The following LRRC37A2 variants were observed in gnomAD, a reference collection of about 807,000 sequenced individuals.
The protein encoded by LRRC37A2 is leucine-rich repeat-containing protein 37A2.
Under a neutral mutation model 68.8 loss-of-function variants are expected in LRRC37A2, and 9 were observed. The observed-to-expected ratio is 0.13, with a 90% CI of 0.08 to 0.23. The LOEUF is 0.23. Ranked by LOEUF, LRRC37A2 falls within the 10% of genes least tolerant of loss-of-function variation. The probability of loss-of-function intolerance (pLI) is 1.00; values close to 1 mark genes in which losing one functional copy is unlikely to be tolerated. For synonymous variants in LRRC37A2, 63 were observed against 367.6 expected (o/e 0.17, Z 9.48); for missense variants, 168 against 950.4 (o/e 0.18, Z 10.82).
chr17:46,994,185 G>A, the LRRC37A2 span, among the ~76,000 whole-genome samples: 8 of 152,016 alleles, frequency 5.3e-5, no homozygotes, highest in Non-Finnish European at 1.0e-4. Context: ...AGGAGTTTGA[G>A]ACCAGCCTGG....
the LRRC37A2 span, among the ~76,000 whole-genome samples, chr17:46,779,052 A>ATC: frequency 0.068 from 1,547 of 22,630 alleles, 41 homozygotes; most frequent in African/African-American, 0.24. Context: ...TCCCTACCCC[A>ATC]TCACACACAC....
the LRRC37A2 span, among the ~76,000 whole-genome samples, chr17:46,747,951 A>G: frequency 6.6e-6 from 1 of 152,212 alleles, no homozygotes; most frequent in Admixed American, 6.5e-5. Flanking sequence ...TAGGATATGT[A>G]GTTTTCAAAT....
the LRRC37A2 span, chr17:46,923,171 C>G: frequency 8.1e-6 from 12 of 1,490,374 alleles, no homozygotes; most frequent in African/African-American, 2.8e-5. Flanking sequence ...GAGCCGGAGC[C>G]GTGGCCTGCG....
the LRRC37A2 span, among the ~76,000 whole-genome samples, chr17:46,976,148 G>A: frequency 1.5e-4 from 22 of 151,676 alleles, no homozygotes; most frequent in Middle Eastern, 3.4e-3. Context: ...GGATGGTCTC[G>A]ATCTCCTGAT....
chr17:46,874,759 G>A, the LRRC37A2 span, among the ~76,000 whole-genome samples: 1 of 152,102 alleles, frequency 6.6e-6, no homozygotes, highest in Admixed American at 6.5e-5. Flanking sequence ...TGTATTTTTA[G>A]TAGAGACGGG....
the LRRC37A2 span, among the ~76,000 whole-genome samples, chr17:47,037,170 A>AT: frequency 1.6e-4 from 24 of 150,246 alleles, no homozygotes; most frequent in African/African-American, 5.1e-4. Context: ...GGCACCTGTA[A>AT]TCCCAGCTAC....
chr17:47,040,360 A>C, the LRRC37A2 span, among the ~76,000 whole-genome samples: 1 of 151,562 alleles, frequency 6.6e-6, no homozygotes, highest in Admixed American at 6.6e-5. Context: ...CCCCCCACCA[A>C]GTGTTTGGGC....
chr17:47,028,122 T>G, the LRRC37A2 span, among the ~76,000 whole-genome samples: 1 of 152,266 alleles, frequency 6.6e-6, no homozygotes, highest in Non-Finnish European at 1.5e-5. Flanking sequence ...TGTTAAAGTA[T>G]AAATCATAAG....
At chr17:46,979,212 AG>A in the LRRC37A2 span, 1 of 447,732 alleles carries the variant, frequency 2.2e-6, no homozygotes, top group South Asian at 7.3e-5. Context: ...CGGAGGAGCG[AG>A]CAACAGGCGG....
chr17:47,006,908 ACAATC>A, the LRRC37A2 span, among the ~76,000 whole-genome samples: 1 of 152,250 alleles, frequency 6.6e-6, no homozygotes, highest in Non-Finnish European at 1.5e-5. Context: ...TAGTGTGAAT[ACAATC>A]GATTCAAACA....
chr17:46,993,051 G>A, the LRRC37A2 span, among the ~76,000 whole-genome samples: 3 of 141,596 alleles, frequency 2.1e-5, no homozygotes, highest in African/African-American at 7.9e-5. Context: ...ATCTCTGTAG[G>A]CTGGGACTAG....
the LRRC37A2 span, among the ~76,000 whole-genome samples, chr17:46,739,946 C>T: frequency 4.9e-4 from 74 of 152,220 alleles, 1 homozygote; most frequent in Middle Eastern, 0.014. Flanking sequence ...GTGATCCGCC[C>T]TCCTCAGCCT....
At chr17:46,871,024 C>T in the LRRC37A2 span, among the ~76,000 whole-genome samples, 1 of 151,776 alleles carries the variant, frequency 6.6e-6, no homozygotes, top group Non-Finnish European at 1.5e-5. Context: ...TATCCTTCCA[C>T]CTCAGCCTCC....
At chr17:46,822,099 G>T in the LRRC37A2 span, among the ~76,000 whole-genome samples, 90 of 152,344 alleles carry the variant, frequency 5.9e-4, no homozygotes, top group African/African-American at 2.0e-3. Context: ...AAGTGCGAAG[G>T]GCCGAAGGCC....
At chr17:46,874,558 C>CATTT in the LRRC37A2 span, among the ~76,000 whole-genome samples, 2 of 152,056 alleles carry the variant, frequency 1.3e-5, no homozygotes, top group Non-Finnish European at 2.9e-5. Context: ...TTGTAAATTC[C>CATTT]ATTTATTTAT....
the LRRC37A2 span, among the ~76,000 whole-genome samples, chr17:46,854,052 G>C: frequency 6.6e-6 from 1 of 152,170 alleles, no homozygotes; most frequent in African/African-American, 2.4e-5. Context: ...CAGGAGCCCA[G>C]CTGGAAAGAG....
the LRRC37A2 span, among the ~76,000 whole-genome samples, chr17:46,418,234 T>TGC: frequency 1.1e-3 from 72 of 66,928 alleles, 23 homozygotes; most frequent in African/African-American, 2.2e-3. Context: ...TGTGTGTGTG[T>TGC]GCGCGCGCGC....
the LRRC37A2 span, among the ~76,000 whole-genome samples, chr17:46,984,272 A>T: frequency 6.7e-6 from 1 of 148,268 alleles, no homozygotes; most frequent in East Asian, 2.0e-4. Context: ...TTACCCTACA[A>T]CTAAGCTCAA....
chr17:46,966,402 G>A, the LRRC37A2 span: 2 of 562,824 alleles, frequency 3.6e-6, no homozygotes, highest in African/African-American at 3.8e-5. Flanking sequence ...CAGATACCTG[G>A]TCCTTGTGAC....
Sources: allele counts gnomAD v4.1 joint callset (sites outside exome capture counted in the v4.1 genomes callset), GRCh38; gene constraint gnomAD v4.1.1; transcripts MANE v1.5; gene names NCBI Gene and HGNC (gene_info 2026-07-23, HGNC 2026-07-21).